Variants in ULK4 observed in about 807,000 individuals in gnomAD.
ULK4 encodes the protein unc-51 like kinase 4, also known as inactive serine/threonine-protein kinase ULK4.
In ULK4, 133 loss-of-function variants were observed where a neutral mutation model predicts 160.6. That is an observed-to-expected ratio of 0.83 (90% CI 0.72 to 0.96). The LOEUF (loss-of-function observed/expected upper bound fraction) is 0.96, where lower values mean the gene tolerates loss of function less well. ULK4 is among the 40% of genes least tolerant of loss of function. The pLI, the probability that ULK4 is intolerant of heterozygous loss-of-function variation, is 0.00. For missense variants in ULK4, 1,580 were observed against 1,499.5 expected (o/e 1.05, Z -0.89); for synonymous variants, 534 against 539.8 (o/e 0.99, Z 0.15).
intron 30 of ULK4, among the ~76,000 whole-genome samples, chr3:41,654,027 T>G (rs2034841707): frequency 6.6e-6 from 1 of 152,212 alleles, no homozygotes; most frequent in African/African-American, 2.4e-5. Context: ...AAATAACTGT[T>G]AAGAATTCAT....
At position 41,545,148 on chromosome 3, in the gene ULK4, C is replaced by T. The variant is rs554697608; in HGVS notation, c.3226+20877G>A. Among the ~76,000 whole-genome samples, 17 of 151,884 alleles carry T rather than the reference C, an allele frequency of 1.1e-4. No individual in the cohort carries two copies. In the East Asian group the frequency reaches 3.3e-3, roughly 29 times the overall value. ...TCAATTCACCTTTCTGGAAACCTAC[C>T]TAGTCCGTTTTATTTTAGGTAATTA... On this transcript the variant is annotated intron_variant, in intron 32 of 36. Coordinates refer to ENST00000301831, the MANE Select transcript of ULK4 (RefSeq NM_017886.4).
At chr3:41,705,382 C>G in intron 25 of ULK4, 77 bp from the exon 26 acceptor site, 3 of 1,131,678 alleles carry the variant, frequency 2.7e-6, no homozygotes, top group Non-Finnish European at 2.5e-6. Context: ...TACATTTTGC[C>G]CAAAACTGTA....
chr3:41,526,662 C>T (rs1187979315), intron 32 of ULK4, among the ~76,000 whole-genome samples: 1 of 152,156 alleles, frequency 6.6e-6, no homozygotes, highest in Non-Finnish European at 1.5e-5. Flanking sequence ...GATATGTCTT[C>T]CAGGACTGCA....
At chr3:41,741,352 T>C (rs1041305338) in intron 22 of ULK4, among the ~76,000 whole-genome samples, 1 of 151,924 alleles carries the variant, frequency 6.6e-6, no homozygotes, top group Non-Finnish European at 1.5e-5. Context: ...CATAACTTCA[T>C]AATTAATATA....
chr3:41,647,243 C>A (rs1304969045), intron 30 of ULK4, among the ~76,000 whole-genome samples: 6 of 152,238 alleles, frequency 3.9e-5, no homozygotes, highest in Non-Finnish European at 7.3e-5. Flanking sequence ...TGAGGAACTG[C>A]ATTCCTTTGG....
At chr3:41,887,038 G>A (rs1169567253) in intron 16 of ULK4, among the ~76,000 whole-genome samples, 1 of 152,116 alleles carries the variant, frequency 6.6e-6, no homozygotes, top group African/African-American at 2.4e-5. Context: ...CAAAGTCAAA[G>A]TAACAGATGA....
chr3:41,810,898 G>A (rs527888829), intron 19 of ULK4, among the ~76,000 whole-genome samples: 1 of 151,814 alleles, frequency 6.6e-6, no homozygotes, highest in Admixed American at 6.6e-5. Context: ...TTTATTTTAT[G>A]TATTTGAGAC....
At chr3:41,655,901 T>C (rs1184329829) in intron 30 of ULK4, among the ~76,000 whole-genome samples, 1 of 152,168 alleles carries the variant, frequency 6.6e-6, no homozygotes, top group Admixed American at 6.5e-5. Flanking sequence ...TATAAAAGAA[T>C]ATGGCAAAGC....
intron 32 of ULK4, among the ~76,000 whole-genome samples, chr3:41,538,868 G>T (rs2086600378): frequency 6.6e-6 from 1 of 151,932 alleles, no homozygotes; most frequent in Non-Finnish European, 1.5e-5. Flanking sequence ...TGGTCTATAA[G>T]CATGTGTATG....
intron 34 of ULK4, among the ~76,000 whole-genome samples, chr3:41,448,971 C>T (rs764584419): frequency 2.6e-5 from 4 of 152,086 alleles, no homozygotes; most frequent in South Asian, 2.1e-4. Context: ...CTGCAACCTC[C>T]GCCTCCTGGT....
At chr3:41,271,556 G>A (rs765992047) in intron 35 of ULK4, among the ~76,000 whole-genome samples, 7 of 151,874 alleles carry the variant, frequency 4.6e-5, no homozygotes, top group Admixed American at 2.6e-4. Context: ...CACCACACTC[G>A]GCTAAGTTTT....
intron 22 of ULK4, among the ~76,000 whole-genome samples, chr3:41,736,935 T>C (rs1295968559): frequency 6.6e-6 from 1 of 151,896 alleles, no homozygotes. Context: ...CCCAGCACCA[T>C]TTATTAAATG....
intron 31 of ULK4, among the ~76,000 whole-genome samples, chr3:41,613,107 T>C (rs573807453): frequency 6.6e-6 from 1 of 152,296 alleles, no homozygotes; most frequent in East Asian, 1.9e-4. Context: ...CTTGTTCTGA[T>C]CAAATCACTG....
At chr3:41,854,683 C>T (rs899631237) in intron 17 of ULK4, among the ~76,000 whole-genome samples, 5 of 152,144 alleles carry the variant, frequency 3.3e-5, no homozygotes, top group African/African-American at 1.2e-4. Flanking sequence ...TAACCTGCTT[C>T]ATAGACCTAG....
intron 32 of ULK4, among the ~76,000 whole-genome samples, chr3:41,502,183 C>A (rs1270464606): frequency 6.6e-6 from 1 of 152,230 alleles, no homozygotes. Context: ...TCTTTTGGCA[C>A]ATGAATTTCA....
intron 35 of ULK4, among the ~76,000 whole-genome samples, chr3:41,256,817 T>C (rs1007111418): frequency 6.6e-6 from 1 of 152,234 alleles, no homozygotes; most frequent in Non-Finnish European, 1.5e-5. Context: ...GCAACTTACA[T>C]ATCTGATAAA....
intron 2 of ULK4, among the ~76,000 whole-genome samples, chr3:41,948,902 A>G (rs1054508818): frequency 6.6e-6 from 1 of 152,188 alleles, no homozygotes; most frequent in Non-Finnish European, 1.5e-5. Context: ...TCAAGAAGGT[A>G]TAAAAAGTCC....
At chr3:41,618,687 C>A (rs763653766) in intron 30 of ULK4, among the ~76,000 whole-genome samples, 2 of 152,096 alleles carry the variant, frequency 1.3e-5, no homozygotes, top group Non-Finnish European at 2.9e-5. Context: ...AATATAAAGA[C>A]CAATGACACT....
chr3:41,568,769 C>G (rs2087870811), intron 31 of ULK4, among the ~76,000 whole-genome samples: 1 of 152,188 alleles, frequency 6.6e-6, no homozygotes, highest in African/African-American at 2.4e-5. Context: ...CTGACACAAG[C>G]TGAGCGTTCT....
Sources: allele counts gnomAD v4.1 joint callset (sites outside exome capture counted in the v4.1 genomes callset), GRCh38; gene constraint gnomAD v4.1.1; transcripts MANE v1.5; gene names NCBI Gene and HGNC (gene_info 2026-07-23, HGNC 2026-07-21).